The following PEBP4 variants were observed in gnomAD, a reference collection of about 807,000 sequenced individuals.
PEBP4 encodes the protein phosphatidylethanolamine binding protein 4.
A neutral mutation model predicts 23.9 loss-of-function variants in PEBP4; 22 were observed. The observed-to-expected ratio is 0.92, with a 90% CI of 0.66 to 1.31. The LOEUF is 1.31. PEBP4 is among the 40% of genes most tolerant of loss of function. The pLI is 0.00. For missense variants in PEBP4, 324 were observed against 281.7 expected, an observed-to-expected ratio of 1.15 and a Z score of -1.07; for synonymous variants, 112 against 99.3, an observed-to-expected ratio of 1.13 and a Z score of -0.76.
chr8:22,799,731 G>A (rs1243752632), intron 4 of PEBP4, among the ~76,000 whole-genome samples: 2 of 152,122 alleles, frequency 1.3e-5, no homozygotes, highest in Non-Finnish European at 2.9e-5. Flanking sequence ...AGGCCCTGGT[G>A]TGTGACGTTC....
Position 22,724,947 on chromosome 8 carries a change from G to C in PEBP4, c.413C>G (p.Ala138Gly), listed in dbSNP as rs766089457. 147 of 1,612,962 alleles carry C rather than the reference G, an allele frequency of 9.1e-5. 7 individuals are homozygous for C. In the South Asian group the frequency reaches 1.6e-3, roughly 18 times the overall value. ...IQGQELSAYQ[A>G]PSPPAHSGFH... Reference sequence around the variant, plus strand: ...GCCACTGTGTGCCGGTGGGGAGGGAGCCTGGTAGGCTATAGGTAGAAGCAG... The same window carrying C: ...GCCACTGTGTGCCGGTGGGGAGGGACCCTGGTAGGCTATAGGTAGAAGCAG... Residue 138 changes from alanine (A) to glycine (G), a missense_variant, in exon 6 of 7, where the codon GCT (alanine) becomes GGT (glycine). By Grantham distance (60) the Ala-to-Gly change is moderately conservative. Coordinates refer to ENST00000256404, the MANE Select transcript of PEBP4 (RefSeq NM_144962.3).
chr8:22,770,271 G>A (rs1251550993), intron 4 of PEBP4, among the ~76,000 whole-genome samples: 2 of 152,214 alleles, frequency 1.3e-5, no homozygotes, highest in Non-Finnish European at 2.9e-5. Flanking sequence ...GCTGTGGGAG[G>A]TGGCCCTGGT....
chr8:22,938,023 G>A (rs1809562536), intron 1 of PEBP4, among the ~76,000 whole-genome samples: 1 of 152,134 alleles, frequency 6.6e-6, no homozygotes, highest in South Asian at 2.1e-4. Flanking sequence ...CATTGGATTT[G>A]GCATTGATTT....
At position 22,817,678 on chromosome 8, in the gene PEBP4, T is replaced by A; in HGVS notation, c.316A>T (p.Arg106Ter). Residue 106 changes from arginine to a stop codon, truncating the protein, a stop_gained, in exon 4 of 7, where the codon AGA (arginine) becomes TGA (stop). Coordinates refer to ENST00000256404, the MANE Select transcript of PEBP4 (RefSeq NM_144962.3). LOFTEE classifies it high-confidence loss of function. The part of the protein sequence containing the change: ...DPDAPSRAEP[R>*]QRFWRHWLVT... ...AGCCAATGTCTCCAGAATCTCTGTC[T>A]GGGTTCTGCTCTGCTAGGGGCATCT... 6.2e-7 allele frequency: 1 copy of A among 1,614,242 alleles called. No individual in the cohort carries two copies. The highest frequency in any genetic ancestry group is 8.5e-7 in the Non-Finnish European group (1 of 1,180,042).
intron 4 of PEBP4, among the ~76,000 whole-genome samples, chr8:22,798,032 T>C (rs1440168348): frequency 3.3e-5 from 5 of 151,978 alleles, no homozygotes; most frequent in Non-Finnish European, 5.9e-5. Flanking sequence ...AGGTGCTAAA[T>C]TGTGTGGCAC....
At chr8:22,768,548 A>G (rs530293044) in intron 4 of PEBP4, among the ~76,000 whole-genome samples, 1 of 152,164 alleles carries the variant, frequency 6.6e-6, no homozygotes, top group South Asian at 2.1e-4. Context: ...TGCGGAGCTC[A>G]TTTTGTTTGC....
At chr8:22,832,522 A>T (rs1368058529) in intron 3 of PEBP4, among the ~76,000 whole-genome samples, 1 of 152,184 alleles carries the variant, frequency 6.6e-6, no homozygotes, top group African/African-American at 2.4e-5. Context: ...AATTTTTGTT[A>T]TAGCAACCTG....
intron 4 of PEBP4, among the ~76,000 whole-genome samples, chr8:22,760,458 A>G (rs997729272): frequency 1.3e-5 from 2 of 152,164 alleles, no homozygotes; most frequent in African/African-American, 2.4e-5. Context: ...AGTACAATGC[A>G]TATAGTAGGT....
intron 3 of PEBP4, among the ~76,000 whole-genome samples, chr8:22,864,384 C>A (rs767034707): frequency 6.6e-5 from 10 of 152,208 alleles, no homozygotes; most frequent in Non-Finnish European, 1.2e-4. Context: ...CTCTTCAGCT[C>A]TTTGAGGACA....
intron 6 of PEBP4, among the ~76,000 whole-genome samples, chr8:22,717,048 C>T (rs943339888): frequency 1.3e-5 from 2 of 152,226 alleles, no homozygotes; most frequent in Admixed American, 1.3e-4. Flanking sequence ...TAGTGACACC[C>T]CTGGATTCCC....
chr8:22,815,188 C>T (rs1043845596), intron 4 of PEBP4: 3 of 152,298 alleles, frequency 2.0e-5, no homozygotes, highest in East Asian at 1.9e-4. Flanking sequence ...AAGTGCTTTT[C>T]GCTTGAAAAT....
intron 1 of PEBP4, among the ~76,000 whole-genome samples, chr8:22,935,580 A>G (rs1216849329): frequency 6.6e-6 from 1 of 152,192 alleles, no homozygotes; most frequent in Non-Finnish European, 1.5e-5. Flanking sequence ...GAAATGCTTC[A>G]AGATTTAAAA....
chr8:22,743,519 C>G (rs991247209), intron 4 of PEBP4, among the ~76,000 whole-genome samples: 10 of 152,184 alleles, frequency 6.6e-5, no homozygotes, highest in African/African-American at 2.4e-4. Context: ...TGATGGCAGC[C>G]CCAGACCACA....
intron 3 of PEBP4, among the ~76,000 whole-genome samples, chr8:22,828,585 T>C (rs1013513651): frequency 6.6e-6 from 1 of 152,150 alleles, no homozygotes; most frequent in African/African-American, 2.4e-5. Flanking sequence ...TCACACCCCA[T>C]AAACCTCAGG....
intron 4 of PEBP4, among the ~76,000 whole-genome samples, chr8:22,772,418 T>TATA (rs1034506537): frequency 3.3e-5 from 5 of 152,150 alleles, no homozygotes; most frequent in African/African-American, 1.2e-4. Flanking sequence ...CCATGCCCAT[T>TATA]ATATACCTTA....
At chr8:22,779,562 G>C (rs948127947) in intron 4 of PEBP4, among the ~76,000 whole-genome samples, 1 of 152,140 alleles carries the variant, frequency 6.6e-6, no homozygotes, top group African/African-American at 2.4e-5. Flanking sequence ...GGAGAGAGCT[G>C]GGCTGGTGCC....
intron 3 of PEBP4, among the ~76,000 whole-genome samples, chr8:22,860,129 A>G (rs1807735910): frequency 1.8e-5 from 2 of 111,174 alleles, no homozygotes; most frequent in South Asian, 5.9e-4. Flanking sequence ...AAAAAAAAAA[A>G]AAAGAAAAAG....
At chr8:22,769,288 A>G (rs1172513713) in intron 4 of PEBP4, among the ~76,000 whole-genome samples, 12 of 152,152 alleles carry the variant, frequency 7.9e-5, no homozygotes, top group Admixed American at 7.9e-4. Flanking sequence ...GCCCAAGTTT[A>G]CAGGCCAGGA....
intron 4 of PEBP4, among the ~76,000 whole-genome samples, chr8:22,746,789 C>T (rs1260285712): frequency 6.6e-6 from 1 of 152,204 alleles, no homozygotes; most frequent in Non-Finnish European, 1.5e-5. Context: ...TGGAGTTGTC[C>T]TCTCTTTGTG....
Sources: allele counts gnomAD v4.1 joint callset (sites outside exome capture counted in the v4.1 genomes callset), GRCh38; gene constraint gnomAD v4.1.1; transcripts MANE v1.5; gene names NCBI Gene and HGNC (gene_info 2026-07-23, HGNC 2026-07-21).